Variants in CFAP68 observed in about 807,000 individuals in gnomAD.
The protein encoded by CFAP68 is cilia and flagella associated protein 68.
the CFAP68 span, chr11:111,881,220 C>G: frequency 1.1e-5 from 15 of 1,347,090 alleles, no homozygotes; most frequent in East Asian, 4.4e-4. Flanking sequence ...GCCCTAGAGA[C>G]AGTTACACCT....
the CFAP68 span, among the ~76,000 whole-genome samples, chr11:111,880,490 C>G: frequency 4.6e-5 from 7 of 152,130 alleles, no homozygotes; most frequent in Non-Finnish European, 1.0e-4. Flanking sequence ...CCACCAAAAC[C>G]GAGATGGTGA....
the CFAP68 span, among the ~76,000 whole-genome samples, chr11:111,882,958 C>T: frequency 3.8e-4 from 58 of 152,128 alleles, no homozygotes; most frequent in Non-Finnish European, 6.5e-4. Context: ...GCACTTAAAT[C>T]GCTCCTAAAC....
chr11:111,883,628 T>C, the CFAP68 span: 1 of 662,350 alleles, frequency 1.5e-6, no homozygotes. Context: ...AATAACTACA[T>C]GAATGAGTAA....
At chr11:111,879,560 A>T in the CFAP68 span, 150 of 1,613,938 alleles carry the variant, frequency 9.3e-5, no homozygotes, top group African/African-American at 2.7e-5. Context: ...CCTCGTCTGA[A>T]ATGGCTGCCT....
chr11:111,881,704 G>T, the CFAP68 span: 7 of 1,390,100 alleles, frequency 5.0e-6, no homozygotes, highest in Non-Finnish European at 6.7e-6. Context: ...AATGAAATCA[G>T]ACATTGATCA....
At chr11:111,880,604 A>C in the CFAP68 span, among the ~76,000 whole-genome samples, 3 of 152,374 alleles carry the variant, frequency 2.0e-5, no homozygotes, top group East Asian at 5.8e-4. Flanking sequence ...TGGTCTAAAA[A>C]GTGGAGGTAT....
At chr11:111,879,581 C>T in the CFAP68 span, 1 of 1,614,188 alleles carries the variant, frequency 6.2e-7, no homozygotes, top group Non-Finnish European at 8.5e-7. Context: ...CCCAGTGTCT[C>T]TGCTGCTCAA....
chr11:111,885,550 T>C, the CFAP68 span: 4 of 152,172 alleles, frequency 2.6e-5, no homozygotes, highest in African/African-American at 9.7e-5. Context: ...GTCCAACTGG[T>C]TTAAAATGAG....
chr11:111,881,300 G>A, the CFAP68 span: 1 of 1,427,482 alleles, frequency 7.0e-7, no homozygotes, highest in South Asian at 1.5e-5. Flanking sequence ...CATGTTGTTT[G>A]GTAACATCAG....
chr11:111,881,598 T>C, the CFAP68 span: 1 of 1,534,880 alleles, frequency 6.5e-7, no homozygotes, highest in African/African-American at 1.4e-5. Flanking sequence ...AGCATCAAGT[T>C]ACTCTTCTTC....
the CFAP68 span, chr11:111,882,680 G>C: frequency 2.4e-6 from 3 of 1,257,380 alleles, no homozygotes; most frequent in African/African-American, 4.5e-5. Flanking sequence ...ATGCAGGGAT[G>C]TAATAACTTC....
chr11:111,881,798 G>C, the CFAP68 span, among the ~76,000 whole-genome samples: 2 of 152,170 alleles, frequency 1.3e-5, no homozygotes, highest in Non-Finnish European at 2.9e-5. Context: ...CTGTCCTTAA[G>C]GGGCATACAG....
At chr11:111,881,230 T>C in the CFAP68 span, 1 of 1,365,532 alleles carries the variant, frequency 7.3e-7, no homozygotes, top group South Asian at 1.8e-5. Context: ...CAGTTACACC[T>C]AGATCTCCAG....
chr11:111,882,411 G>T, the CFAP68 span: 1 of 1,614,168 alleles, frequency 6.2e-7, no homozygotes. Flanking sequence ...CACTGTGGCA[G>T]CCTTGTTAAT....
the CFAP68 span, chr11:111,881,479 T>C: frequency 5.2e-6 from 8 of 1,535,964 alleles, no homozygotes; most frequent in African/African-American, 8.2e-5. Flanking sequence ...CTTTCTTTGC[T>C]TGGAGAACTG....
the CFAP68 span, chr11:111,880,870 C>A: frequency 4.6e-6 from 2 of 437,326 alleles, no homozygotes; most frequent in Non-Finnish European, 9.1e-6. Context: ...CAGACTGAAT[C>A]TTACTCTGAA....
At chr11:111,881,050 T>C in the CFAP68 span, 6 of 375,678 alleles carry the variant, frequency 1.6e-5, no homozygotes, top group East Asian at 5.5e-4. Context: ...CTGACAGTGA[T>C]TTGAATTGAA....
At chr11:111,881,106 CAAGACT>C in the CFAP68 span, 1 of 855,916 alleles carries the variant, frequency 1.2e-6, no homozygotes, top group South Asian at 2.2e-5. Flanking sequence ...CAAAAATCAA[CAAGACT>C]TAGTGACTGG....
At chr11:111,882,336 C>T in the CFAP68 span, 2 of 1,569,562 alleles carry the variant, frequency 1.3e-6, no homozygotes, top group Non-Finnish European at 1.8e-6. Flanking sequence ...CTGGTTTATG[C>T]AATAAGCTTT....
Sources: allele counts gnomAD v4.1 joint callset (sites outside exome capture counted in the v4.1 genomes callset), GRCh38; gene constraint gnomAD v4.1.1; transcripts MANE v1.5; gene names NCBI Gene and HGNC (gene_info 2026-07-23, HGNC 2026-07-21).